ANGPT2: variants seen among roughly 807,000 people sequenced by gnomAD.
ANGPT2 encodes angiopoietin-2.
Under a neutral mutation model 62.9 loss-of-function variants are expected in ANGPT2, and 28 were observed. That is an observed-to-expected ratio of 0.44 (90% CI 0.33 to 0.61). ANGPT2 has a LOEUF of 0.61. ANGPT2 is among the 20% of genes least tolerant of loss of function. The pLI, the probability that ANGPT2 is intolerant of heterozygous loss-of-function variation, is 0.03. For missense variants in ANGPT2, 727 were observed against 594.9 expected (o/e 1.22, Z -2.31); for synonymous variants, 284 against 207.8 (o/e 1.37, Z -3.15).
intron 4 of ANGPT2, among the ~76,000 whole-genome samples, 193 bp from the exon 5 acceptor site, chr8:6,520,184 T>C (rs1382164004): frequency 6.6e-6 from 1 of 152,166 alleles, no homozygotes; most frequent in Non-Finnish European, 1.5e-5. Flanking sequence ...AAAAGATTAA[T>C]ACTTACTTTT....
chr8:6,544,432 C>T (rs912702079), intron 1 of ANGPT2, among the ~76,000 whole-genome samples: 1 of 152,148 alleles, frequency 6.6e-6, no homozygotes, highest in East Asian at 1.9e-4. Flanking sequence ...ATTATGTCTT[C>T]CAAGACCTCC....
chr8:6,553,556 C>T (rs73664546), intron 1 of ANGPT2, among the ~76,000 whole-genome samples: 2,000 of 152,208 alleles, frequency 0.013, 25 homozygotes, highest in South Asian at 0.06. Context: ...TGGTATAGAA[C>T]GCCTTTATTC....
chr8:6,542,330 G>T (rs550528569), intron 1 of ANGPT2, among the ~76,000 whole-genome samples: 38 of 152,068 alleles, frequency 2.5e-4, no homozygotes, highest in African/African-American at 8.9e-4. Context: ...GTGTGTGTAT[G>T]TATGTGTGTG....
rs28538706 is a variant in ANGPT2, at chr8:6,557,955, G to T, written c.288+4692C>A. On this transcript the variant is annotated intron_variant, in intron 1 of 8. Coordinates refer to ENST00000629816, the MANE Select transcript of ANGPT2 (RefSeq NM_001118887.2). ...TCCTTTCTTCCCTGTCAAAACAGTT[G>T]TGCCACGTCCTCCCCCTCTTCCTCA... 6.7e-3 allele frequency among the ~76,000 whole-genome samples: 1,015 copies of T among 152,228 alleles called. 12 individuals are homozygous for T. The highest frequency in any genetic ancestry group is 0.061 in the South Asian group (295 of 4,806).
Position 6,499,744 on chromosome 8 carries a change from G to C in ANGPT2, c.*3357C>G, listed in dbSNP as rs1326966286. ...GTTGTCTGAGAACACATCTATTTCA[G>C]ATCTGCGGAGTGTATCACTTTTTGC... On this transcript the variant is annotated 3_prime_UTR_variant, in exon 9 of 9. Coordinates refer to ENST00000629816, the MANE Select transcript of ANGPT2 (RefSeq NM_001118887.2). 5.3e-5 allele frequency: 47 copies of C among 888,404 alleles called. No homozygotes were observed. Among genetic ancestry groups the C allele is most frequent in the Middle Eastern group, 3.3e-4 (1 of 3,058 alleles). The allele number at this position is 888,404 out of a possible 1,614,324, so 55.0% of individuals were successfully genotyped here. A position where few individuals can be genotyped will look rare whatever the true frequency, so the allele number is the denominator to read the frequency against.
intron 7 of ANGPT2, among the ~76,000 whole-genome samples, chr8:6,512,780 A>G (rs529888554): frequency 7.2e-5 from 11 of 152,300 alleles, no homozygotes; most frequent in South Asian, 6.2e-4. Context: ...TGCCCATGCT[A>G]TTACTTATGA....
intron 1 of ANGPT2, among the ~76,000 whole-genome samples, chr8:6,556,608 T>C (rs889231903): frequency 7.5e-5 from 11 of 146,042 alleles, no homozygotes; most frequent in African/African-American, 2.8e-4. Flanking sequence ...TCTTGGGAAT[T>C]GTCTTTTTTT....
chr8:6,516,527 C>G (rs902110499), intron 5 of ANGPT2, among the ~76,000 whole-genome samples: 2 of 152,158 alleles, frequency 1.3e-5, no homozygotes, highest in African/African-American at 4.8e-5. Context: ...AACACAGTTC[C>G]AAGTTTAAAT....
chr8:6,561,594 A>G (rs564018426), intron 1 of ANGPT2, among the ~76,000 whole-genome samples: 14 of 152,342 alleles, frequency 9.2e-5, no homozygotes, highest in African/African-American at 3.4e-4. Context: ...CTTTTAAAAG[A>G]CTTTACATAG....
intron 1 of ANGPT2, among the ~76,000 whole-genome samples, chr8:6,541,834 T>C (rs1821633116): frequency 6.6e-6 from 1 of 152,000 alleles, no homozygotes; most frequent in Non-Finnish European, 1.5e-5. Context: ...CGAGACTCCA[T>C]CTCTACAGAA....
chr8:6,521,198 G>A lies in ANGPT2; in HGVS notation c.779C>T (p.Thr260Ile), dbSNP rs1245811865. ...CTTACAGTTTGATGTGGACATCATA[G>A]TCAGTAAGTTATTAACTGTCTCCAT... ...DLMETVNNLL[T>I]MMSTSNSKDP... Residue 260 changes from threonine to isoleucine, a missense_variant, in exon 4 of 9, where the codon ACT becomes ATT. Coordinates refer to ENST00000629816, the MANE Select transcript of ANGPT2 (RefSeq NM_001118887.2). The A allele has an allele frequency of 6.2e-7, 1 of 1,613,312 alleles. No individual in the cohort carries two copies.
At position 6,527,563 on chromosome 8, in the gene ANGPT2, A is replaced by T. The variant is rs369471976; in HGVS notation, c.558T>A (p.Asp186Glu). ...DQTSEINKLQ[D>E]KNSFLEKKVL... ...TTTAGTACTGTTATTACCTGTTCTT[A>T]TCTTGCAATTTGTTTATTTCACTGG... Residue 186 changes from aspartate (D) to glutamate (E), a missense_variant, in exon 3 of 9, where the codon GAT (aspartate) becomes GAA (glutamate). Physicochemically the swap from Asp to Glu is conservative, Grantham distance 45. Transcript: ENST00000629816. 6.2e-7 allele frequency: 1 copy of T among 1,613,738 alleles called. No homozygotes were observed. Among genetic ancestry groups the T allele is most frequent in the South Asian group, 1.1e-5 (1 of 91,050 alleles).
intron 1 of ANGPT2, among the ~76,000 whole-genome samples, chr8:6,558,852 T>C (rs1018322431): frequency 2.0e-5 from 3 of 152,124 alleles, no homozygotes; most frequent in African/African-American, 7.2e-5. Flanking sequence ...AGTAAACATG[T>C]ATTATATTTT....
At position 6,561,045 on chromosome 8, in the gene ANGPT2, C is replaced by T. The variant is rs150282823; in HGVS notation, c.288+1602G>A. 2.6e-5 allele frequency among the ~76,000 whole-genome samples: 4 copies of T among 152,290 alleles called. No individual in the cohort carries two copies. In the South Asian group the frequency reaches 8.3e-4, roughly 32 times the overall value. On this transcript the variant is annotated intron_variant, in intron 1 of 8. Transcript: ENST00000629816. ...GGAAAGCCATTAACCATCAGCTTGA[C>T]GGTTTACAAAGAAATAGGAAGTTCA...
At chr8:6,509,402 A>G (rs776701236) in intron 7 of ANGPT2, among the ~76,000 whole-genome samples, 17 of 152,244 alleles carry the variant, frequency 1.1e-4, no homozygotes, top group Admixed American at 2.6e-4. Flanking sequence ...CCAGGTCTCC[A>G]GTCATCTTCC....
Position 6,502,998 on chromosome 8 carries a change from C to T in ANGPT2, c.*103G>A. On this transcript the variant is annotated 3_prime_UTR_variant, in exon 9 of 9. Transcript: ENST00000629816. Reference sequence around the variant, plus strand: ...GTCCCGTCAGCACCGAGCACACGCCCTCTGTGGTGGAAGAGGACACAGTGC... The same window carrying T: ...GTCCCGTCAGCACCGAGCACACGCCTTCTGTGGTGGAAGAGGACACAGTGC... The T allele has an allele frequency of 1.4e-6, 2 of 1,402,196 alleles. No individual in the cohort carries two copies. Among genetic ancestry groups the T allele is most frequent in the South Asian group, 2.6e-5 (2 of 76,026 alleles). The allele number at this position is 1,402,196 out of a possible 1,614,324, so 86.9% of individuals were successfully genotyped here.
chr8:6,499,750 C>T lies in ANGPT2; in HGVS notation c.*3351G>A, dbSNP rs115520116. On this transcript the variant is annotated 3_prime_UTR_variant, in exon 9 of 9. Coordinates refer to ENST00000629816, the MANE Select transcript of ANGPT2 (RefSeq NM_001118887.2). ...TGAGAACACATCTATTTCAGATCTG[C>T]GGAGTGTATCACTTTTTGCTGTGTC... 2.5e-3 allele frequency: 2,294 copies of T among 926,856 alleles called. 29 individuals carry two copies. The African/African-American group carries it at 0.032, about 13-fold the overall frequency. 57.4% of individuals were successfully genotyped at this position (926,856 alleles called of 1,614,324 possible). A position where few individuals can be genotyped will look rare whatever the true frequency, so the allele number is the denominator to read the frequency against.
At chr8:6,531,464 T>C (rs1414914987) in intron 2 of ANGPT2, among the ~76,000 whole-genome samples, 1 of 152,058 alleles carries the variant, frequency 6.6e-6, no homozygotes, top group African/African-American at 2.4e-5. Flanking sequence ...AATTTGTTTG[T>C]ATTTTTTAGT....
intron 1 of ANGPT2, among the ~76,000 whole-genome samples, chr8:6,541,074 A>G (rs988771470): frequency 1.3e-5 from 2 of 152,328 alleles, no homozygotes; most frequent in African/African-American, 2.4e-5. Flanking sequence ...CTTGGAGCCA[A>G]CGTCCCTAGG....
Sources: gnomAD v4.1 joint callset for allele counts (sites outside exome capture counted in the v4.1 genomes callset) on GRCh38, gnomAD v4.1.1 for gene constraint, MANE v1.5 for transcripts, NCBI Gene and HGNC (gene_info 2026-07-23, HGNC 2026-07-21) for gene names.